Variants in PAPOLG observed in about 807,000 individuals in gnomAD.
PAPOLG encodes the protein PAP-gamma.
A neutral mutation model predicts 99.0 loss-of-function variants in PAPOLG; 40 were observed. The ratio of observed to expected loss-of-function variants is 0.40; its 90% CI spans 0.31 to 0.53. PAPOLG has a LOEUF of 0.53. PAPOLG is among the 20% of genes least tolerant of loss of function. PAPOLG has a pLI of 0.41. For missense variants in PAPOLG, 675 were observed against 884.1 expected, an observed-to-expected ratio of 0.76 and a Z score of 3.00; for synonymous variants, 310 against 299.3, an observed-to-expected ratio of 1.04 and a Z score of -0.37.
rs188005696 is a variant in PAPOLG, at chr2:60,789,647, C to A, written c.1396+2027C>A. On this transcript the variant is annotated intron_variant, in intron 15 of 21. Transcript: ENST00000238714. ...CACATCTAGCCCTCTAGTCACAACT[C>A]TGGAATATCTTAATGTATCTGTTAT... Among the ~76,000 whole-genome samples the A allele has an allele frequency of 2.0e-5, 3 of 152,290 alleles. No individual in the cohort carries two copies. The East Asian group carries it at 5.8e-4, about 29-fold the overall frequency.
intron 21 of PAPOLG, among the ~76,000 whole-genome samples, chr2:60,796,419 G>A (rs966011604): frequency 1.9e-4 from 29 of 151,950 alleles, no homozygotes; most frequent in South Asian, 6.2e-4. Flanking sequence ...GATTACAGGC[G>A]TGAACCACCA....
At position 60,794,716 on chromosome 2, in the gene PAPOLG, C is replaced by T. The variant is rs200002657; in HGVS notation, c.1996C>T (p.Arg666Ter). The T allele has an allele frequency of 3.1e-6, 5 of 1,609,826 alleles. No individual in the cohort carries two copies. Among genetic ancestry groups the T allele is most frequent in the South Asian group, 2.2e-5 (2 of 90,900 alleles). Residue 666 changes from arginine (R) to a stop codon, truncating the protein, a stop_gained, in exon 20 of 22, where the codon CGA becomes TGA. Coordinates refer to ENST00000238714, the MANE Select transcript of PAPOLG (RefSeq NM_022894.4). LOFTEE classifies it high-confidence loss of function. ...TTCAATGTTTATATTTTAGTTTATTCGACTTGAATCAACATTTAAGGACCC... is the reference window on the plus strand; with the variant it reads ...TTCAATGTTTATATTTTAGTTTATTTGACTTGAATCAACATTTAAGGACCC... ...KRLKDVEKFI[R>*]LESTFKDPRT...
At chr2:60,765,293 T>C (rs1670641724) in intron 3 of PAPOLG, among the ~76,000 whole-genome samples, 1 of 148,530 alleles carries the variant, frequency 6.7e-6, no homozygotes, top group African/African-American at 2.5e-5. Flanking sequence ...GCCCAGGCTG[T>C]CCTCAAACTC....
At chr2:60,777,046 T>C (rs1460135813) in intron 8 of PAPOLG, among the ~76,000 whole-genome samples, 1 of 152,192 alleles carries the variant, frequency 6.6e-6, no homozygotes, top group Non-Finnish European at 1.5e-5. Flanking sequence ...TTCTGCACCT[T>C]CCTCACCTCT....
chr2:60,784,932 C>T (rs1364425028), intron 13 of PAPOLG, among the ~76,000 whole-genome samples: 3 of 152,164 alleles, frequency 2.0e-5, no homozygotes, highest in Non-Finnish European at 4.4e-5. Flanking sequence ...ACTGTTAAAG[C>T]ACACATAATT....
intron 15 of PAPOLG, among the ~76,000 whole-genome samples, chr2:60,790,189 A>G (rs1345636098): frequency 2.6e-5 from 4 of 152,236 alleles, no homozygotes; most frequent in Non-Finnish European, 5.9e-5. Context: ...AACTTAAACA[A>G]GCACTCCTGG....
In PAPOLG at chr2:60,801,709, G is replaced by T. The variant is rs1291107800; in HGVS notation, c.*4549G>T. 3.3e-5 allele frequency: 5 copies of T among 152,154 alleles called. No homozygotes were observed. The highest frequency in any genetic ancestry group is 4.1e-4 in the South Asian group (2 of 4,826). The allele number at this position is 152,154 out of a possible 1,614,324, so 9.4% of individuals were successfully genotyped here. On this transcript the variant is annotated 3_prime_UTR_variant, in exon 22 of 22. Coordinates refer to ENST00000238714, the MANE Select transcript of PAPOLG (RefSeq NM_022894.4). ...CCGCCTCGGCCTCCCAAAGTTCTGG[G>T]ATTACAGGCGTGAGCCACCGTGCCC...
intron 11 of PAPOLG, 38 bp downstream of exon 11, chr2:60,782,043 C>T (rs1558702045): frequency 6.3e-7 from 1 of 1,596,750 alleles, no homozygotes; most frequent in Non-Finnish European, 8.6e-7. Context: ...CATATTCCCA[C>T]AAGTTTTTGG....
At position 60,756,361 on chromosome 2, in the gene PAPOLG, A is replaced by G; in HGVS notation, c.-118A>G. On this transcript the variant is annotated 5_prime_UTR_variant, in exon 1 of 22. Transcript: ENST00000238714. ...ATGCCTCAGCCATAGTAAGTGGGAAAGTGAGCGAGCAAGCGAGCTACTAGC... is the reference window on the plus strand; with the variant it reads ...ATGCCTCAGCCATAGTAAGTGGGAAGGTGAGCGAGCAAGCGAGCTACTAGC... 7.6e-7 allele frequency: 1 copy of G among 1,318,988 alleles called. No individual in the cohort carries two copies. The highest frequency in any genetic ancestry group is 1.1e-6 in the Non-Finnish European group (1 of 915,176). The allele number at this position is 1,318,988 out of a possible 1,614,324, so 81.7% of individuals were successfully genotyped here. A position where few individuals can be genotyped will look rare whatever the true frequency, so the allele number is the denominator to read the frequency against.
intron 10 of PAPOLG, among the ~76,000 whole-genome samples, 199 bp downstream of exon 10, chr2:60,780,978 T>C (rs770629298): frequency 2.6e-5 from 4 of 152,332 alleles, no homozygotes; most frequent in Non-Finnish European, 5.9e-5. Flanking sequence ...CCAAATGTTA[T>C]GTCATTAAAA....
intron 3 of PAPOLG, among the ~76,000 whole-genome samples, chr2:60,762,846 C>T (rs776105644): frequency 1.3e-5 from 2 of 151,958 alleles, no homozygotes; most frequent in African/African-American, 4.8e-5. Flanking sequence ...AGGCTGGTCT[C>T]GAACTCCTGA....
chr2:60,770,635 TAA>T (rs1670823792), intron 6 of PAPOLG, 124 bp downstream of exon 6: 1 of 532,766 alleles, frequency 1.9e-6, no homozygotes. Flanking sequence ...TTTTTTTTTT[TAA>T]TGAAGAGATG....
In PAPOLG at chr2:60,770,516, G is replaced by A; in HGVS notation, c.492+5G>A. 6.5e-7 allele frequency: 1 copy of A among 1,544,586 alleles called. No homozygotes were observed. The highest frequency in any genetic ancestry group is 8.9e-7 in the Non-Finnish European group (1 of 1,127,606). On this transcript the variant is annotated splice_donor_5th_base_variant and intron_variant, in intron 6 of 21. Coordinates refer to ENST00000238714, the MANE Select transcript of PAPOLG (RefSeq NM_022894.4). ...TTTGAATTTGATGGTATTGAAGTAA[G>A]TGTTTAATATTTTTCTGACTTTACA...
chr2:60,782,309 A>C lies in PAPOLG; in HGVS notation c.1027+304A>C, dbSNP rs184266634. Among the ~76,000 whole-genome samples, 622 of 152,200 alleles carry C rather than the reference A, an allele frequency of 4.1e-3. 3 individuals are homozygous for C. The highest frequency in any genetic ancestry group is 0.014 in the African/African-American group (591 of 41,542). The stretch of plus-strand genomic sequence containing the variant: ...GGGCCGGGCGCGATGGCTCATGCCT[A>C]TAATCCTAGCACTTTGGGAGGCCGA... On this transcript the variant is annotated intron_variant, in intron 11 of 21. Transcript: ENST00000238714.
chr2:60,786,794 T>G (rs1257040877), intron 13 of PAPOLG, 153 bp from the exon 14 acceptor site: 2 of 408,310 alleles, frequency 4.9e-6, no homozygotes, highest in African/African-American at 4.4e-5. Flanking sequence ...CCTCCCAAAG[T>G]GCTGGGAGTA....
At chr2:60,762,157 G>T (rs1275544879) in intron 3 of PAPOLG, among the ~76,000 whole-genome samples, 1 of 152,132 alleles carries the variant, frequency 6.6e-6, no homozygotes, top group Non-Finnish European at 1.5e-5. Flanking sequence ...AGGCTTGAAG[G>T]GGATTGGGCT....
At chr2:60,768,168 T>C (rs1670738759) in intron 3 of PAPOLG, among the ~76,000 whole-genome samples, 1 of 152,142 alleles carries the variant, frequency 6.6e-6, no homozygotes, top group African/African-American at 2.4e-5. Flanking sequence ...AATGGCACAA[T>C]CTCGGCCGCT....
chr2:60,779,493 G>A (rs902368709), intron 8 of PAPOLG, 144 bp from the exon 9 acceptor site: 2 of 894,870 alleles, frequency 2.2e-6, no homozygotes, highest in Non-Finnish European at 3.2e-6. Context: ...GTTTATAGGG[G>A]AAAATTTCCA....
At chr2:60,768,685 A>C in intron 4 of PAPOLG, 96 bp from the exon 5 acceptor site, 1 of 1,351,884 alleles carries the variant, frequency 7.4e-7, no homozygotes, top group South Asian at 1.4e-5. Context: ...CTTGTACTCA[A>C]CTTCCATACT....
Sources: allele counts gnomAD v4.1 joint callset (sites outside exome capture counted in the v4.1 genomes callset), GRCh38; gene constraint gnomAD v4.1.1; transcripts MANE v1.5; gene names NCBI Gene and HGNC (gene_info 2026-07-23, HGNC 2026-07-21).